TXNDC17: variants seen among roughly 807,000 people sequenced by gnomAD.
TXNDC17 encodes the protein thioredoxin domain containing 17.
TXNDC17 carries 12 observed loss-of-function variants against 16.3 expected under a neutral mutation model. That is an observed-to-expected ratio of 0.74 (90% CI 0.47 to 1.19). The LOEUF (loss-of-function observed/expected upper bound fraction) is 1.19. TXNDC17 is among the 50% of genes most tolerant of loss of function. The pLI is 0.00. For missense variants in TXNDC17, 158 were observed against 149.7 expected (o/e 1.06, Z -0.29); for synonymous variants, 62 against 55.0 (o/e 1.13, Z -0.56).
rs758890865 is a variant in TXNDC17, at chr17:6,641,766, A to T, written c.159A>T (p.Val53=). 4 of 1,614,136 alleles carry T rather than the reference A, an allele frequency of 2.5e-6. 1 individual carries two copies. Among genetic ancestry groups the T allele is most frequent in the Non-Finnish European group, 3.4e-6 (4 of 1,180,028 alleles). The change falls in exon 2 of 4, where the codon GTA becomes GTT. Residue 53 remains valine, a synonymous_variant. Coordinates refer to ENST00000250101, the MANE Select transcript of TXNDC17 (RefSeq NM_032731.4). ...CPDCVQAEPV[V]REGLKHISEG... ...CTTTTTTTAAAGCTGAACCAGTCGT[A>T]CGAGAGGGGCTGAAGCACATTAGTG...
intron 3 of TXNDC17, chr17:6,642,550 G>T: frequency 2.0e-6 from 1 of 488,116 alleles, no homozygotes; most frequent in Non-Finnish European, 3.7e-6. Context: ...CAGAAAGTAG[G>T]TTGACTCATA....
Position 6,641,668 on chromosome 17 carries a change from C to G in TXNDC17, c.146-85C>G. 3.7e-6 allele frequency: 5 copies of G among 1,334,114 alleles called. No homozygotes were observed. In the South Asian group the frequency reaches 6.1e-5, roughly 16 times the overall value. 82.6% of individuals were successfully genotyped at this position (1,334,114 alleles called of 1,614,324 possible). ...GTTAAAGTCTGAGTGCTTACCAAGA[C>G]TGGGGGAAGGGGGAAAGAACACAGT... On this transcript the variant is annotated intron_variant, in intron 1 of 3. Transcript: ENST00000250101.
intron 3 of TXNDC17, 66 bp from the exon 4 acceptor site, chr17:6,642,885 G>GA: frequency 8.4e-7 from 1 of 1,194,648 alleles, no homozygotes; most frequent in Non-Finnish European, 1.2e-6. Context: ...ATTCAAGGCA[G>GA]AACTCATTCC....
Position 6,644,380 on chromosome 17 carries a change from AGG to A in TXNDC17, c.*1362_*1363del. 7.0e-7 allele frequency: 1 copy of A among 1,430,958 alleles called. No homozygotes were observed. Among genetic ancestry groups the A allele is most frequent in the Non-Finnish European group, 9.3e-7 (1 of 1,080,210 alleles). 88.6% of individuals were successfully genotyped at this position (1,430,958 alleles called of 1,614,324 possible). A position where few individuals can be genotyped will look rare whatever the true frequency, so the allele number is the denominator to read the frequency against. Reference sequence around the variant, plus strand: ...AGGGGCTACCATAATAAAGGTAGATAGGAAGAGTTTTCATTTTTTTTGTCTTC... The same window carrying A: ...AGGGGCTACCATAATAAAGGTAGATAAAGAGTTTTCATTTTTTTTGTCTTC... On this transcript the variant is annotated 3_prime_UTR_variant, in exon 4 of 4. Transcript: ENST00000250101.
Position 6,641,815 on chromosome 17 carries a change from C to T in TXNDC17, c.208C>T (p.Gln70Ter). The change falls in exon 2 of 4, where the codon CAA (glutamine) becomes TAA (stop). Residue 70 changes from glutamine to a stop codon, truncating the protein, a stop_gained. Transcript: ENST00000250101. LOFTEE classifies it high-confidence loss of function. The stretch of plus-strand genomic sequence containing the variant: ...TGAAGGATGTGTGTTCATCTACTGC[C>T]AAGTAGGAGAAAAGCCTTAGTAAGT... ...ISEGCVFIYC[Q>*]VGEKPYWKDP... The T allele has an allele frequency of 6.2e-7, 1 of 1,614,042 alleles. No homozygotes were observed. The highest frequency in any genetic ancestry group is 2.2e-5 in the East Asian group (1 of 44,888).
Position 6,644,281 on chromosome 17 carries a change from AAG to A in TXNDC17, c.*1264_*1265del, listed in dbSNP as rs1972736063. ...ACCTTACAAATCCACAGGGAAATCAAAGAACAATTCAGGTTTAACAGAAATAG... is the reference window on the plus strand; with the variant it reads ...ACCTTACAAATCCACAGGGAAATCAAAACAATTCAGGTTTAACAGAAATAG... On this transcript the variant is annotated 3_prime_UTR_variant, in exon 4 of 4. Coordinates refer to ENST00000250101, the MANE Select transcript of TXNDC17 (RefSeq NM_032731.4). 3 of 618,498 alleles carry A rather than the reference AAG, an allele frequency of 4.9e-6. No homozygotes were observed. Among genetic ancestry groups the A allele is most frequent in the Admixed American group, 3.8e-5 (1 of 26,030 alleles). 38.3% of individuals were successfully genotyped at this position (618,498 alleles called of 1,614,324 possible). A position where few individuals can be genotyped will look rare whatever the true frequency, so the allele number is the denominator to read the frequency against.
In TXNDC17 at chr17:6,644,389, T is replaced by G; in HGVS notation, c.*1370T>G. The G allele has an allele frequency of 1.4e-6, 2 of 1,444,966 alleles. No individual in the cohort carries two copies. The highest frequency in any genetic ancestry group is 1.8e-6 in the Non-Finnish European group (2 of 1,093,020). The allele number at this position is 1,444,966 out of a possible 1,614,324, so 89.5% of individuals were successfully genotyped here. On this transcript the variant is annotated 3_prime_UTR_variant, in exon 4 of 4. Coordinates refer to ENST00000250101, the MANE Select transcript of TXNDC17 (RefSeq NM_032731.4). ...CATAATAAAGGTAGATAGGAAGAGT[T>G]TTCATTTTTTTTGTCTTCACTGTAC...
rs1972670311 is a variant in TXNDC17 at position 6,641,619 on chromosome 17, G to A, written c.146-134G>A. 3.5e-6 allele frequency: 3 copies of A among 862,816 alleles called. No homozygotes were observed. In the Admixed American group the frequency reaches 6.2e-5, roughly 18 times the overall value. 53.4% of individuals were successfully genotyped at this position (862,816 alleles called of 1,614,324 possible). Reference sequence around the variant, plus strand: ...GACCAGAAGGGAACACCTGACTTGTGTTGACCTCTTCAGTTAGCTGCAGGT... The same window carrying A: ...GACCAGAAGGGAACACCTGACTTGTATTGACCTCTTCAGTTAGCTGCAGGT... On this transcript the variant is annotated intron_variant, in intron 1 of 3. Transcript: ENST00000250101.
rs375093800 is a variant in TXNDC17, at chr17:6,641,609, C to G, written c.146-144C>G. The G allele has an allele frequency of 2.2e-4, 178 of 814,280 alleles. No homozygotes were observed. In the African/African-American group the frequency reaches 2.5e-3, roughly 11 times the overall value. The allele number at this position is 814,280 out of a possible 1,614,324, so 50.4% of individuals were successfully genotyped here. On this transcript the variant is annotated intron_variant, in intron 1 of 3. Coordinates refer to ENST00000250101, the MANE Select transcript of TXNDC17 (RefSeq NM_032731.4). ...GTGGCTCTAAGACCAGAAGGGAACACCTGACTTGTGTTGACCTCTTCAGTT... is the reference window on the plus strand; with the variant it reads ...GTGGCTCTAAGACCAGAAGGGAACAGCTGACTTGTGTTGACCTCTTCAGTT...
chr17:6,642,296 C>G lies in TXNDC17; in HGVS notation c.275C>G (p.Ala92Gly). The G allele has an allele frequency of 6.2e-7, 1 of 1,610,792 alleles. No homozygotes were observed. The highest frequency in any genetic ancestry group is 1.7e-5 in the Admixed American group (1 of 59,684). ...NDFRKNLKVTAVPTLLKYGTP... is the reference protein window; with the variant it reads ...NDFRKNLKVTGVPTLLKYGTP... ...TTCAGAAAAAACTTGAAAGTAACAG[C>G]AGTGCCTACACTACTTAAGTATGGA... Residue 92 changes from alanine to glycine, a missense_variant, in exon 3 of 4, where the codon GCA becomes GGA. By Grantham distance (60) the Ala-to-Gly change is moderately conservative. Transcript: ENST00000250101.
At chr17:6,642,551 T>C in intron 3 of TXNDC17, 1 of 491,366 alleles carries the variant, frequency 2.0e-6, no homozygotes. Context: ...AGAAAGTAGG[T>C]TGACTCATAA....
At position 6,641,239 on chromosome 17, in the gene TXNDC17, A is replaced by T. The variant is rs749766398; in HGVS notation, c.145+12A>T. On this transcript the variant is annotated intron_variant, in intron 1 of 3. Coordinates refer to ENST00000250101, the MANE Select transcript of TXNDC17 (RefSeq NM_032731.4). ...CGACTGCGTGCAGGGTGAGGCCGGG[A>T]TTCGGGGGCTGCTGTCCAATGGAAA... The T allele has an allele frequency of 1.9e-6, 3 of 1,612,884 alleles. No individual in the cohort carries two copies. The African/African-American group carries it at 4.0e-5, about 22-fold the overall frequency.
rs148719323 is a variant in TXNDC17, at chr17:6,641,060, A to G, written c.-23A>G. 6,407 of 1,608,538 alleles carry G rather than the reference A, an allele frequency of 4.0e-3. 193 individuals are homozygous for G. In the African/African-American group the frequency reaches 0.071, roughly 18 times the overall value. On this transcript the variant is annotated 5_prime_UTR_variant, in exon 1 of 4. Coordinates refer to ENST00000250101, the MANE Select transcript of TXNDC17 (RefSeq NM_032731.4). ...GCGGCGACCGGACGTGCACTCCTCC[A>G]GTAGCGGCTGCACGTCGTGCCAATG...
chr17:6,641,845 A>G lies in TXNDC17; in HGVS notation c.227+11A>G, dbSNP rs760270948. On this transcript the variant is annotated intron_variant, in intron 2 of 3. Transcript: ENST00000250101. ...AGGAGAAAAGCCTTAGTAAGTGGCAATGTATAATCTACCTCGCAGACGTGC... is the reference window on the plus strand; with the variant it reads ...AGGAGAAAAGCCTTAGTAAGTGGCAGTGTATAATCTACCTCGCAGACGTGC... The G allele has an allele frequency of 1.3e-5, 21 of 1,613,274 alleles. No homozygotes were observed. Among genetic ancestry groups the G allele is most frequent in the Admixed American group, 1.7e-5 (1 of 60,028 alleles).
At position 6,643,736 on chromosome 17, in the gene TXNDC17, A is replaced by G. The variant is rs1972726994; in HGVS notation, c.*717A>G. The G allele has an allele frequency of 5.7e-6, 1 of 174,710 alleles. No individual in the cohort carries two copies. Among genetic ancestry groups the G allele is most frequent in the South Asian group, 2.0e-4 (1 of 5,042 alleles). The allele number at this position is 174,710 out of a possible 1,614,324, so 10.8% of individuals were successfully genotyped here. A position where few individuals can be genotyped will look rare whatever the true frequency, so the allele number is the denominator to read the frequency against. On this transcript the variant is annotated 3_prime_UTR_variant, in exon 4 of 4. Transcript: ENST00000250101. ...AACAAGGTTCTTAGAATAAAATGAG[A>G]ATTCAAGGAAGCACTTAACATAGCA...
Position 6,643,086 on chromosome 17 carries a change from C to A in TXNDC17, c.*67C>A. The A allele has an allele frequency of 7.4e-7, 1 of 1,350,070 alleles. No homozygotes were observed. The highest frequency in any genetic ancestry group is 1.1e-6 in the Non-Finnish European group (1 of 944,558). 83.6% of individuals were successfully genotyped at this position (1,350,070 alleles called of 1,614,324 possible). A position where few individuals can be genotyped will look rare whatever the true frequency, so the allele number is the denominator to read the frequency against. ...CTAGTATCAATAAACTGTATACTTG[C>A]TTTGAATTCATGTTAGCAATAAATG... On this transcript the variant is annotated 3_prime_UTR_variant, in exon 4 of 4. Transcript: ENST00000250101.
chr17:6,641,894 A>G (rs1375713629), intron 2 of TXNDC17, 60 bp downstream of exon 2: 3 of 1,454,898 alleles, frequency 2.1e-6, no homozygotes, highest in Non-Finnish European at 2.9e-6. Flanking sequence ...TTAGGCGGGA[A>G]GGGCCTCAGG....
chr17:6,641,159 C>G lies in TXNDC17; in HGVS notation c.77C>G (p.Thr26Ser). 1 of 1,613,824 alleles carries G rather than the reference C, an allele frequency of 6.2e-7. No individual in the cohort carries two copies. The highest frequency in any genetic ancestry group is 1.1e-5 in the South Asian group (1 of 91,090). The change falls in exon 1 of 4, where the codon ACC becomes AGC. Residue 26 changes from threonine to serine, a missense_variant. Physicochemically the swap from Thr to Ser is moderately conservative, Grantham distance 58. Transcript: ENST00000250101. Reference sequence around the variant, plus strand: ...GCCGTGGAACAGCACAATGGCAAGACCATTTTCGCCTACTTTACGGGTTCT... The same window carrying G: ...GCCGTGGAACAGCACAATGGCAAGAGCATTTTCGCCTACTTTACGGGTTCT... ...HRAVEQHNGK[T>S]IFAYFTGSKD...
rs1457933453 is a variant in TXNDC17, at chr17:6,641,829, G to A, written c.222G>A (p.Lys74=). The A allele has an allele frequency of 1.9e-6, 3 of 1,614,136 alleles. No homozygotes were observed. Among genetic ancestry groups the A allele is most frequent in the East Asian group, 4.5e-5 (2 of 44,890 alleles). ...TCATCTACTGCCAAGTAGGAGAAAA[G>A]CCTTAGTAAGTGGCAATGTATAATC... ...CVFIYCQVGE[K]PYWKDPNNDF... Residue 74 remains lysine (K), a synonymous_variant, in exon 2 of 4, where the codon AAG becomes AAA. Coordinates refer to ENST00000250101, the MANE Select transcript of TXNDC17 (RefSeq NM_032731.4).
Sources: allele counts gnomAD v4.1 joint callset, GRCh38; gene constraint gnomAD v4.1.1; transcripts MANE v1.5; gene names NCBI Gene and HGNC (gene_info 2026-07-23, HGNC 2026-07-21).